Variants in ITGAV observed in about 807,000 individuals in gnomAD.
The protein encoded by ITGAV is integrin subunit alpha V.
In ITGAV, 76 loss-of-function variants were observed where a neutral mutation model predicts 143.8. The ratio of observed to expected loss-of-function variants is 0.53; its 90% CI spans 0.44 to 0.64. ITGAV has a LOEUF of 0.64. ITGAV is among the 30% of genes least tolerant of loss of function. The probability of loss-of-function intolerance (pLI) is 0.00; values close to 1 mark genes in which losing one functional copy is unlikely to be tolerated. For missense variants in ITGAV, 1,193 were observed against 1,274.7 expected (o/e 0.94, Z 0.98); for synonymous variants, 453 against 446.7 (o/e 1.01, Z -0.18).
intron 24 of ITGAV, among the ~76,000 whole-genome samples, chr2:186,668,218 T>TA (rs1688967896): frequency 1.9e-4 from 4 of 20,718 alleles, no homozygotes; most frequent in African/African-American, 5.2e-4. Flanking sequence ...ATATATATAT[T>TA]TTTTTTTTTT....
chr2:186,650,783 C>T (rs1303495170), intron 14 of ITGAV, among the ~76,000 whole-genome samples: 1 of 151,358 alleles, frequency 6.6e-6, no homozygotes, highest in Non-Finnish European at 1.5e-5. Flanking sequence ...CTCCTGGGCT[C>T]AAGTGATCCA....
Position 186,676,848 on chromosome 2 carries a change from G to A in ITGAV, c.2964G>A (p.Ala988=), listed in dbSNP as rs140775791. 406 of 1,614,032 alleles carry A rather than the reference G, an allele frequency of 2.5e-4. 2 individuals are homozygous for A. The African/African-American group carries it at 3.0e-3, about 12-fold the overall frequency. The stretch of plus-strand genomic sequence containing the variant: ...ATGTCACCTGGGGCATTCAGCCAGC[G>A]CCCATGCCTGTGCCTGTGTGGGTGA... ...TTNVTWGIQP[A]PMPVPVWVII... is the part of the protein sequence containing the mutation. The change falls in exon 29 of 30, where the codon GCG becomes GCA. Residue 988 remains alanine, a synonymous_variant. Transcript: ENST00000261023.
At chr2:186,626,368 T>C (rs1447387493) in intron 4 of ITGAV, among the ~76,000 whole-genome samples, 3 of 152,366 alleles carry the variant, frequency 2.0e-5, no homozygotes, top group Admixed American at 2.0e-4. Flanking sequence ...TTTGTTGAAT[T>C]GGCTACTGCT....
At position 186,646,218 on chromosome 2, in the gene ITGAV, G is replaced by A. The variant is rs1306524719; in HGVS notation, c.1160-468G>A. ...AACTTACGAATTTCTGAGCAGATTGGCTTCTGTTCAGAAAAAACAATACCA... is the reference window on the plus strand; with the variant it reads ...AACTTACGAATTTCTGAGCAGATTGACTTCTGTTCAGAAAAAACAATACCA... On this transcript the variant is annotated intron_variant, in intron 12 of 29. Coordinates refer to ENST00000261023, the MANE Select transcript of ITGAV (RefSeq NM_002210.5). Among the ~76,000 whole-genome samples the A allele has an allele frequency of 2.4e-4, 36 of 152,078 alleles. 1 individual carries two copies. The highest frequency in any genetic ancestry group is 2.4e-3 in the Admixed American group (36 of 15,262).
intron 21 of ITGAV, among the ~76,000 whole-genome samples, chr2:186,666,419 G>C (rs1574500820): frequency 1.3e-5 from 2 of 152,090 alleles, no homozygotes; most frequent in Admixed American, 6.6e-5. Flanking sequence ...ACTTTCACTG[G>C]ATCAACAAAC....
chr2:186,639,926 T>C (rs1257625852), intron 10 of ITGAV, among the ~76,000 whole-genome samples: 3 of 152,278 alleles, frequency 2.0e-5, no homozygotes, highest in African/African-American at 7.2e-5. Flanking sequence ...CCAAACACAG[T>C]ATATTTTATT....
intron 6 of ITGAV, among the ~76,000 whole-genome samples, chr2:186,635,397 G>A (rs1429815532): frequency 6.6e-6 from 1 of 152,190 alleles, no homozygotes; most frequent in African/African-American, 2.4e-5. Context: ...TAGTGACCTG[G>A]ACAGAGAAAG....
In ITGAV at chr2:186,666,575, C is replaced by T. The variant is rs61763157; in HGVS notation, c.2167-129C>T. 4.3e-3 allele frequency: 1,987 copies of T among 459,456 alleles called. 40 individuals carry two copies. Among genetic ancestry groups the T allele is most frequent in the African/African-American group, 0.036 (1,808 of 50,210 alleles). The allele number at this position is 459,456 out of a possible 1,614,324, so 28.5% of individuals were successfully genotyped here. A position where few individuals can be genotyped will look rare whatever the true frequency, so the allele number is the denominator to read the frequency against. ...TTGATAGAAAATAAGATTTAGTTAT[C>T]TTTGTTCAGTTTTATTGTAAGCTCA... On this transcript the variant is annotated intron_variant, in intron 21 of 29. Coordinates refer to ENST00000261023, the MANE Select transcript of ITGAV (RefSeq NM_002210.5).
chr2:186,624,576 TG>T (rs1373583753), intron 3 of ITGAV, among the ~76,000 whole-genome samples: 1 of 152,186 alleles, frequency 6.6e-6, no homozygotes, highest in East Asian at 1.9e-4. Flanking sequence ...TCAGTATTGA[TG>T]TTCTGCAGTG....
At chr2:186,656,768 G>T (rs909766795) in intron 17 of ITGAV, among the ~76,000 whole-genome samples, 1 of 152,128 alleles carries the variant, frequency 6.6e-6, no homozygotes, top group African/African-American at 2.4e-5. Flanking sequence ...ATATATGAGC[G>T]AGAGTTGCTG....
At position 186,664,582 on chromosome 2, in the gene ITGAV, G is replaced by A; in HGVS notation, c.2014G>A (p.Glu672Lys). 1 of 1,614,100 alleles carries A rather than the reference G, an allele frequency of 6.2e-7. No homozygotes were observed. Among genetic ancestry groups the A allele is most frequent in the Non-Finnish European group, 8.5e-7 (1 of 1,179,958 alleles). The change falls in exon 20 of 30, where the codon GAG (glutamate) becomes AAG (lysine). Residue 672 changes from glutamate to lysine, a missense_variant. Glu to Lys is a moderately conservative substitution (Grantham distance 56). Coordinates refer to ENST00000261023, the MANE Select transcript of ITGAV (RefSeq NM_002210.5). ...QNQGEGAYEA[E>K]LIVSIPLQAD... ...TCAAGGAGAAGGTGCCTACGAAGCT[G>A]AGCTCATCGTTTCCATTCCACTGCA...
At position 186,590,098 on chromosome 2, in the gene ITGAV, G is replaced by A. The variant is rs1033353006; in HGVS notation, c.-241G>A. On this transcript the variant is annotated 5_prime_UTR_variant, in exon 1 of 30. Transcript: ENST00000261023. ...GCTGCGTGGAGCGGCGGAGCCGGAG[G>A]GAAGCAAAGGACCGTCTGCGCTGCT... The A allele has an allele frequency of 5.0e-6, 2 of 400,142 alleles. No homozygotes were observed. The highest frequency in any genetic ancestry group is 2.1e-5 in the African/African-American group (1 of 47,546). The allele number at this position is 400,142 out of a possible 1,614,324, so 24.8% of individuals were successfully genotyped here. A position where few individuals can be genotyped will look rare whatever the true frequency, so the allele number is the denominator to read the frequency against.
intron 4 of ITGAV, among the ~76,000 whole-genome samples, chr2:186,628,887 G>T (rs554621331): frequency 6.6e-6 from 1 of 152,082 alleles, no homozygotes; most frequent in African/African-American, 2.4e-5. Flanking sequence ...GACACACCTG[G>T]GTTCAGGTCC....
chr2:186,600,213 C>G, intron 1 of ITGAV: 1 of 882,244 alleles, frequency 1.1e-6, no homozygotes, highest in Middle Eastern at 2.2e-4. Context: ...TTCTTTGTAG[C>G]TCCTGGAGAT....
At chr2:186,611,171 GC>G (rs1687206239) in intron 2 of ITGAV, among the ~76,000 whole-genome samples, 1 of 151,926 alleles carries the variant, frequency 6.6e-6, no homozygotes, top group Admixed American at 6.6e-5. Context: ...TGACCCTACT[GC>G]CCCCCGACCC....
At chr2:186,626,296 T>C (rs1244241446) in intron 4 of ITGAV, among the ~76,000 whole-genome samples, 2 of 152,192 alleles carry the variant, frequency 1.3e-5, no homozygotes, top group African/African-American at 4.8e-5. Flanking sequence ...TGATTATGCT[T>C]TTCCAAAATC....
chr2:186,597,860 T>A (rs1039711331), intron 1 of ITGAV, among the ~76,000 whole-genome samples: 1 of 152,174 alleles, frequency 6.6e-6, no homozygotes, highest in African/African-American at 2.4e-5. Context: ...TAATACCTGG[T>A]GATCCGAGTT....
At chr2:186,640,169 GCT>G (rs1161499037) in intron 10 of ITGAV, among the ~76,000 whole-genome samples, 1 of 151,992 alleles carries the variant, frequency 6.6e-6, no homozygotes, top group Non-Finnish European at 1.5e-5. Context: ...TGCACTTTCA[GCT>G]CTCTTTAGAG....
intron 10 of ITGAV, 39 bp from the exon 11 acceptor site, chr2:186,640,876 G>A: frequency 6.7e-7 from 1 of 1,490,590 alleles, no homozygotes; most frequent in Non-Finnish European, 9.2e-7. Context: ...AAACTAATTG[G>A]ATGAAATATA....
Sources: gnomAD v4.1 joint callset for allele counts (sites outside exome capture counted in the v4.1 genomes callset) on GRCh38, gnomAD v4.1.1 for gene constraint, MANE v1.5 for transcripts, NCBI Gene and HGNC (gene_info 2026-07-23, HGNC 2026-07-21) for gene names.